The following FMN1 variants were observed in gnomAD, a reference collection of about 807,000 sequenced individuals.
FMN1 encodes formin-1.
Under a neutral mutation model 132.4 loss-of-function variants are expected in FMN1, and 110 were observed. The observed-to-expected ratio is 0.83, with a 90% confidence interval of 0.71 to 0.97. The LOEUF (loss-of-function observed/expected upper bound fraction) is 0.97. Ranked by LOEUF, FMN1 falls within the 50% of genes least tolerant of loss-of-function variation. The probability of loss-of-function intolerance (pLI) is 0.00; values close to 1 mark genes in which losing one functional copy is unlikely to be tolerated. For synonymous variants in FMN1, 722 were observed against 651.7 expected (o/e 1.11, Z -1.64); for missense variants, 1,792 against 1,705.3 (o/e 1.05, Z -0.90).
At chr15:33,134,693 C>T (rs1963688761) in intron 4 of FMN1, among the ~76,000 whole-genome samples, 1 of 152,188 alleles carries the variant, frequency 6.6e-6, no homozygotes, top group Non-Finnish European at 1.5e-5. Context: ...AGCTATCTCA[C>T]TTTTTCTGAA....
At chr15:33,162,063 G>GT (rs1355189170) in intron 3 of FMN1, among the ~76,000 whole-genome samples, 1 of 151,998 alleles carries the variant, frequency 6.6e-6, no homozygotes, top group Non-Finnish European at 1.5e-5. Flanking sequence ...CCACGCTGCA[G>GT]TGCAGTGGCG....
At chr15:33,110,711 GACTA>G (rs911030467) in intron 4 of FMN1, among the ~76,000 whole-genome samples, 10 of 150,738 alleles carry the variant, frequency 6.6e-5, no homozygotes, top group African/African-American at 2.4e-4. Flanking sequence ...GCATTTTGAT[GACTA>G]ACAGTCTTTT....
chr15:33,118,172 T>C (rs529128941), intron 4 of FMN1, among the ~76,000 whole-genome samples: 11 of 152,326 alleles, frequency 7.2e-5, no homozygotes, highest in African/African-American at 2.6e-4. Flanking sequence ...CCTAAACTTA[T>C]ATAATTCACT....
intron 12 of FMN1, among the ~76,000 whole-genome samples, chr15:32,905,742 T>C (rs1370842168): frequency 6.6e-6 from 1 of 152,238 alleles, no homozygotes; most frequent in East Asian, 1.9e-4. Flanking sequence ...AAATGATTCA[T>C]ATTTTCCAGT....
chr15:33,045,124 G>A (rs988833569), intron 6 of FMN1, among the ~76,000 whole-genome samples: 6 of 152,228 alleles, frequency 3.9e-5, no homozygotes, highest in Admixed American at 6.5e-5. Context: ...AGGTGCCACC[G>A]CATTCCCTGA....
intron 9 of FMN1, among the ~76,000 whole-genome samples, chr15:32,929,277 A>T (rs2061043192): frequency 6.6e-6 from 1 of 152,232 alleles, no homozygotes; most frequent in Admixed American, 6.5e-5. Context: ...GTTTCCATGT[A>T]GCCACTCTTG....
chr15:32,902,463 G>A (rs2060321154), intron 12 of FMN1, among the ~76,000 whole-genome samples: 1 of 147,526 alleles, frequency 6.8e-6, no homozygotes, highest in African/African-American at 2.6e-5. Context: ...GAAGACTTGA[G>A]GCAAATGTCT....
At chr15:32,879,965 C>T (rs1052396132) in intron 16 of FMN1, among the ~76,000 whole-genome samples, 3 of 152,112 alleles carry the variant, frequency 2.0e-5, no homozygotes, top group Non-Finnish European at 4.4e-5. Flanking sequence ...ACCATTTCCT[C>T]AATTCTTCCT....
At chr15:32,915,105 T>C (rs2060652904) in intron 10 of FMN1, among the ~76,000 whole-genome samples, 2 of 152,220 alleles carry the variant, frequency 1.3e-5, no homozygotes, top group African/African-American at 2.4e-5. Context: ...AAATTAGTTG[T>C]ATTATTTCTA....
intron 4 of FMN1, chr15:33,151,496 A>C: frequency 9.7e-7 from 1 of 1,035,236 alleles, no homozygotes; most frequent in Non-Finnish European, 1.4e-6. Context: ...CAGAAACTGA[A>C]TGTGCTCTGT....
intron 14 of FMN1, 130 bp downstream of exon 14, chr15:32,899,849 T>C: frequency 2.3e-6 from 2 of 883,926 alleles, no homozygotes; most frequent in Admixed American, 2.5e-5. Context: ...AAAAAATGCA[T>C]GCTCTAATAT....
chr15:33,105,792 A>T (rs542868474), intron 4 of FMN1: 1 of 148,106 alleles, frequency 6.8e-6, no homozygotes, highest in Non-Finnish European at 1.5e-5. Flanking sequence ...AAGGTTATAA[A>T]ATGTTGTAAT....
intron 9 of FMN1, 107 bp from the exon 10 acceptor site, chr15:32,926,368 C>T (rs2060961654): frequency 2.0e-5 from 12 of 610,534 alleles, no homozygotes; most frequent in Middle Eastern, 3.3e-4. Context: ...GATTGATGAA[C>T]TAAATTGATG....
intron 4 of FMN1, among the ~76,000 whole-genome samples, chr15:33,142,869 A>G (rs912134351): frequency 6.6e-6 from 1 of 152,182 alleles, no homozygotes; most frequent in African/African-American, 2.4e-5. Context: ...GGGCTATAAA[A>G]TGTACCTTGG....
intron 3 of FMN1, among the ~76,000 whole-genome samples, chr15:33,171,915 GA>G (rs1965335494): frequency 6.6e-6 from 1 of 152,166 alleles, no homozygotes; most frequent in Admixed American, 6.5e-5. Flanking sequence ...TCGAATTAAA[GA>G]AATGTGTTTT....
intron 17 of FMN1, among the ~76,000 whole-genome samples, chr15:32,844,748 C>G (rs1473489031): frequency 6.6e-6 from 1 of 152,204 alleles, no homozygotes; most frequent in Non-Finnish European, 1.5e-5. Context: ...GAACTTGGAA[C>G]CACTGCTATT....
intron 9 of FMN1, among the ~76,000 whole-genome samples, chr15:32,961,282 C>T (rs1004301243): frequency 2.6e-5 from 4 of 151,696 alleles, no homozygotes; most frequent in Non-Finnish European, 4.4e-5. Flanking sequence ...TACAGGCGCC[C>T]GCCACCACAC....
Position 33,152,788 on chromosome 15 carries a change from C to CA in FMN1, c.1867+259dup, listed in dbSNP as rs367698101. Among the ~76,000 whole-genome samples the CA allele has an allele frequency of 4.6e-4, 30 of 65,930 alleles. 2 individuals carry two copies. Among genetic ancestry groups the CA allele is most frequent in the African/African-American group, 1.5e-3 (22 of 14,530 alleles). 43.3% of individuals were successfully genotyped at this position (65,930 alleles called of 152,430 possible). On this transcript the variant is annotated intron_variant, in intron 4 of 20. Transcript: ENST00000616417. ...CCACAGAAGTAACTTTAGAGGATGC[C>CA]AAAAAAAAAAAAAAAGAAAGAAATA...
At chr15:32,852,120 T>C (rs577775242) in intron 17 of FMN1, among the ~76,000 whole-genome samples, 1 of 152,324 alleles carries the variant, frequency 6.6e-6, no homozygotes, top group African/African-American at 2.4e-5. Flanking sequence ...CTTTGTCTCA[T>C]CTAGCTCTCT....
Sources: allele counts gnomAD v4.1 joint callset (sites outside exome capture counted in the v4.1 genomes callset), GRCh38; gene constraint gnomAD v4.1.1; transcripts MANE v1.5; gene names NCBI Gene and HGNC (gene_info 2026-07-23, HGNC 2026-07-21).